The following UROS variants were observed in gnomAD, a reference collection of about 807,000 sequenced individuals.
UROS encodes the protein uroporphyrinogen III synthase, also known as uroporphyrinogen-III synthase.
A neutral mutation model predicts 33.0 loss-of-function variants in UROS; 18 were observed. That is an observed-to-expected ratio of 0.55 (90% CI 0.38 to 0.81). UROS has a LOEUF of 0.81. Among genes scored for constraint, UROS ranks in the 30% least tolerant of loss-of-function variants. The probability of loss-of-function intolerance (pLI) is 0.00; values close to 1 mark genes in which losing one functional copy is unlikely to be tolerated. For missense variants in UROS, 293 were observed against 314.9 expected (o/e 0.93, Z 0.53); for synonymous variants, 114 against 121.1 (o/e 0.94, Z 0.38).
chr10:125,816,093 G>C (rs1216013758), intron 3 of UROS, 84 bp downstream of exon 3: 36 of 1,276,110 alleles, frequency 2.8e-5, no homozygotes, highest in Non-Finnish European at 3.9e-5. Flanking sequence ...AAAATAAGAA[G>C]ACAGTAAAAT....
At chr10:125,803,957 C>A (rs1013281949) in intron 6 of UROS, among the ~76,000 whole-genome samples, 1 of 152,248 alleles carries the variant, frequency 6.6e-6, no homozygotes, top group Non-Finnish European at 1.5e-5. Flanking sequence ...CTTTTGGACA[C>A]CCTGACATGA....
intron 7 of UROS, chr10:125,796,745 G>A (rs1851404747): frequency 3.1e-6 from 3 of 969,732 alleles, no homozygotes; most frequent in Non-Finnish European, 3.7e-6. Flanking sequence ...ATTCCCAGGG[G>A]TTTTCAGGGC....
chr10:125,817,007 A>G (rs1853386893), intron 1 of UROS, among the ~76,000 whole-genome samples: 1 of 152,226 alleles, frequency 6.6e-6, no homozygotes, highest in African/African-American at 2.4e-5. Context: ...GAGTCTAACA[A>G]CATGGAAAAC....
Position 125,813,094 on chromosome 10 carries a change from T to C in UROS, c.245-806A>G, listed in dbSNP as rs143917292. ...CACTTTGCTTCCTACCCCATAAATATCAATAGTATTTATTCAAAAGTTATC... is the reference window on the plus strand; with the variant it reads ...CACTTTGCTTCCTACCCCATAAATACCAATAGTATTTATTCAAAAGTTATC... On this transcript the variant is annotated intron_variant, in intron 4 of 9. Coordinates refer to ENST00000368797, the MANE Select transcript of UROS (RefSeq NM_000375.3). Among the ~76,000 whole-genome samples, 57 of 152,250 alleles carry C rather than the reference T, an allele frequency of 3.7e-4. No homozygotes were observed. The East Asian group carries it at 8.3e-3, about 22-fold the overall frequency.
At chr10:125,803,401 C>T (rs974497749) in intron 6 of UROS, among the ~76,000 whole-genome samples, 1 of 152,248 alleles carries the variant, frequency 6.6e-6, no homozygotes, top group Non-Finnish European at 1.5e-5. Flanking sequence ...CTGGAGCACA[C>T]TGAGCTGTGG....
chr10:125,802,245 C>A (rs753698672), intron 6 of UROS: 5 of 985,640 alleles, frequency 5.1e-6, no homozygotes, highest in Non-Finnish European at 4.8e-6. Context: ...GCTCCATGAC[C>A]TGAGGAGCGA....
intron 1 of UROS, among the ~76,000 whole-genome samples, chr10:125,818,611 C>A (rs1853573879): frequency 6.6e-6 from 1 of 152,108 alleles, no homozygotes; most frequent in Non-Finnish European, 1.5e-5. Flanking sequence ...GAGAAGCGTG[C>A]ACAGATAGGT....
chr10:125,796,671 A>T, intron 7 of UROS: 1 of 648,230 alleles, frequency 1.5e-6, no homozygotes, highest in Non-Finnish European at 1.9e-6. Flanking sequence ...GTCCACTTGT[A>T]CAAGAACTGA....
chr10:125,807,293 T>G, intron 6 of UROS, 120 bp downstream of exon 6: 1 of 873,568 alleles, frequency 1.1e-6, no homozygotes, highest in South Asian at 1.4e-5. Flanking sequence ...GGTTATACGA[T>G]GCTCACCAAT....
At chr10:125,795,308 G>T in intron 8 of UROS, 1 of 379,784 alleles carries the variant, frequency 2.6e-6, no homozygotes, top group Non-Finnish European at 5.0e-6. Flanking sequence ...CTGATCACAT[G>T]AGGCAGTGGT....
chr10:125,790,707 C>T (rs1391863320), intron 9 of UROS, among the ~76,000 whole-genome samples: 7 of 148,486 alleles, frequency 4.7e-5, no homozygotes, highest in African/African-American at 1.7e-4. Context: ...TGCTTGAACC[C>T]GGGAGGCGGA....
intron 5 of UROS, among the ~76,000 whole-genome samples, chr10:125,810,413 G>A (rs754508676): frequency 1.3e-5 from 2 of 152,148 alleles, no homozygotes; most frequent in Non-Finnish European, 2.9e-5. Flanking sequence ...TGAGGCCACT[G>A]ACAGCTATGT....
chr10:125,820,023 A>G (rs1000462753), intron 1 of UROS, among the ~76,000 whole-genome samples: 12 of 152,182 alleles, frequency 7.9e-5, no homozygotes, highest in African/African-American at 2.7e-4. Flanking sequence ...GTAAGAAAGA[A>G]CCAAACCTCA....
chr10:125,798,038 G>A lies in UROS; in HGVS notation c.475+27C>T, dbSNP rs747516472. ...CTCCTGGTGGATCCCAAAGTGGTAA[G>A]GGATGCAGTCAAAGCATTCTACTCG... On this transcript the variant is annotated intron_variant, in intron 7 of 9. Coordinates refer to ENST00000368797, the MANE Select transcript of UROS (RefSeq NM_000375.3). 8 of 1,612,914 alleles carry A rather than the reference G, an allele frequency of 5.0e-6. No homozygotes were observed. In the South Asian group the frequency reaches 6.6e-5, roughly 13 times the overall value.
chr10:125,819,222 T>C (rs905247135), intron 1 of UROS, among the ~76,000 whole-genome samples: 27 of 152,314 alleles, frequency 1.8e-4, no homozygotes, highest in African/African-American at 6.3e-4. Context: ...AACCTCGTGA[T>C]CCGGCTGCCT....
intron 3 of UROS, 26 bp downstream of exon 3, chr10:125,816,151 T>A: frequency 6.2e-7 from 1 of 1,600,706 alleles, no homozygotes. Flanking sequence ...AACACTAACA[T>A]GGTGCTCAGT....
chr10:125,815,634 A>G (rs1853251462), intron 3 of UROS, among the ~76,000 whole-genome samples: 1 of 152,176 alleles, frequency 6.6e-6, no homozygotes, highest in Admixed American at 6.5e-5. Context: ...AGCTGTGGGC[A>G]CTGAATTTTC....
At chr10:125,802,995 C>T (rs1851969077) in intron 6 of UROS, 2 of 1,612,802 alleles carry the variant, frequency 1.2e-6, no homozygotes, top group African/African-American at 2.7e-5. Flanking sequence ...CCACTTTCTT[C>T]ACTTCAAAAG....
chr10:125,795,856 C>T (rs1357686138), intron 8 of UROS, among the ~76,000 whole-genome samples: 1 of 152,200 alleles, frequency 6.6e-6, no homozygotes, highest in Non-Finnish European at 1.5e-5. Context: ...CTACTACAAG[C>T]ACCTCTTACC....
Sources: gnomAD v4.1 joint callset for allele counts (sites outside exome capture counted in the v4.1 genomes callset) on GRCh38, gnomAD v4.1.1 for gene constraint, MANE v1.5 for transcripts, NCBI Gene and HGNC (gene_info 2026-07-23, HGNC 2026-07-21) for gene names.